The following ZNF730 variants were observed in gnomAD, a reference collection of about 807,000 sequenced individuals.
ZNF730 encodes the protein zinc finger protein 730, also known as putative zinc finger protein 730.
ZNF730 carries 12 observed loss-of-function variants against 12.6 expected under a neutral mutation model. The ratio of observed to expected loss-of-function variants is 0.95; its 90% CI spans 0.61 to 1.54. The LOEUF is 1.54. ZNF730 is among the 40% of genes most tolerant of loss of function. The pLI is 0.00. For missense variants in ZNF730, 643 were observed against 583.5 expected (o/e 1.10, Z -1.05); for synonymous variants, 194 against 195.8 (o/e 0.99, Z 0.08).
At chr19:23,135,262 C>T (rs1249205549) in intron 2 of ZNF730, among the ~76,000 whole-genome samples, 2 of 103,846 alleles carry the variant, frequency 1.9e-5, no homozygotes, top group Admixed American at 1.1e-4. Context: ...AAAAAAAAGT[C>T]CTCAGGATTT....
chr19:23,115,967 ATTTTC>A (rs1970513589), upstream of ZNF730, among the ~76,000 whole-genome samples: 1 of 152,186 alleles, frequency 6.6e-6, no homozygotes, highest in African/African-American at 2.4e-5. Flanking sequence ...AGGTACTAAT[ATTTTC>A]CCCTGATTTA....
intron 1 of ZNF730, among the ~76,000 whole-genome samples, chr19:23,093,369 G>A (rs984521229): frequency 2.6e-5 from 4 of 152,188 alleles, no homozygotes; most frequent in Non-Finnish European, 5.9e-5. Context: ...TCTTCCCATG[G>A]GGACTCAGGG....
chr19:23,127,716 G>T (rs1321186976), intron 1 of ZNF730: 3 of 1,231,150 alleles, frequency 2.4e-6, no homozygotes, highest in Non-Finnish European at 2.4e-6. Context: ...GGATCACTTT[G>T]AAGATCTACA....
At chr19:23,095,913 G>A (rs1262385075) in intron 1 of ZNF730, among the ~76,000 whole-genome samples, 2 of 152,264 alleles carry the variant, frequency 1.3e-5, no homozygotes, top group Non-Finnish European at 1.5e-5. Flanking sequence ...ACTCACAGAA[G>A]TCATTGTGAC....
chr19:23,094,044 G>A (rs1471392), intron 1 of ZNF730, among the ~76,000 whole-genome samples: 43,009 of 151,996 alleles, frequency 0.28, 6,734 homozygotes, highest in African/African-American at 0.42. Flanking sequence ...CAGAGGGTGC[G>A]ATTGTGGCTC....
rs374625631 is a variant in ZNF730 at position 23,145,113 on chromosome 19, T to G, written c.227-158T>G. Among the ~76,000 whole-genome samples, 401 of 152,324 alleles carry G rather than the reference T, an allele frequency of 2.6e-3. 2 individuals are homozygous for G. The highest frequency in any genetic ancestry group is 9.4e-3 in the African/African-American group (390 of 41,578). On this transcript the variant is annotated intron_variant, in intron 3 of 3. Coordinates refer to ENST00000597761, the MANE Select transcript of ZNF730 (RefSeq NM_001277403.2). Reference sequence around the variant, plus strand: ...CAACTTACTTTTTTACAAATGTACTTTGGATTTTTGTTACATTTATATGTT... The same window carrying G: ...CAACTTACTTTTTTACAAATGTACTGTGGATTTTTGTTACATTTATATGTT...
At chr19:23,099,934 G>A (rs1970309989) in intron 1 of ZNF730, 1 of 152,118 alleles carries the variant, frequency 6.6e-6, no homozygotes, top group Middle Eastern at 3.4e-3. Flanking sequence ...CATATCACTG[G>A]GCCTTGCACT....
At chr19:23,079,443 C>T (rs916624054) in intron 1 of ZNF730, among the ~76,000 whole-genome samples, 12 of 152,194 alleles carry the variant, frequency 7.9e-5, no homozygotes, top group Admixed American at 7.9e-4. Context: ...CAGCCATAGC[C>T]ACCGCGCCCG....
chr19:23,092,747 A>G (rs938344784), intron 1 of ZNF730, among the ~76,000 whole-genome samples: 3 of 152,052 alleles, frequency 2.0e-5, no homozygotes, highest in African/African-American at 7.2e-5. Context: ...TAATTTCAGT[A>G]TGTTCAACCA....
chr19:23,142,944 T>A (rs780518640), intron 3 of ZNF730, among the ~76,000 whole-genome samples: 7 of 152,026 alleles, frequency 4.6e-5, no homozygotes, highest in Non-Finnish European at 1.0e-4. Flanking sequence ...ACATAAAACC[T>A]CTTAAAAAAA....
At chr19:23,143,422 A>T (rs988133729) in intron 3 of ZNF730, among the ~76,000 whole-genome samples, 7 of 151,114 alleles carry the variant, frequency 4.6e-5, no homozygotes, top group Admixed American at 4.6e-4. Flanking sequence ...TTATCTTTCA[A>T]ATTTTAGAGA....
At chr19:23,141,268 A>C (rs1970914753) in intron 3 of ZNF730, among the ~76,000 whole-genome samples, 1 of 150,148 alleles carries the variant, frequency 6.7e-6, no homozygotes, top group Non-Finnish European at 1.5e-5. Flanking sequence ...GGTGGCGGGC[A>C]CCTGTACTCC....
intron 1 of ZNF730, among the ~76,000 whole-genome samples, chr19:23,089,743 A>G (rs1392827319): frequency 2.0e-5 from 3 of 152,174 alleles, no homozygotes; most frequent in African/African-American, 4.8e-5. Context: ...AAAACAGACT[A>G]ATACAGTAAA....
At chr19:23,127,639 T>C (rs1429889992) in intron 1 of ZNF730, 7 of 1,106,734 alleles carry the variant, frequency 6.3e-6, no homozygotes, top group Non-Finnish European at 6.9e-6. Context: ...ATAAACTCTT[T>C]GTGTGAATGG....
intron 3 of ZNF730, among the ~76,000 whole-genome samples, chr19:23,138,642 T>G (rs1166966368): frequency 6.6e-6 from 1 of 152,208 alleles, no homozygotes; most frequent in African/African-American, 2.4e-5. Flanking sequence ...GTTTGCCACC[T>G]GAATGAAAGC....
intron 1 of ZNF730, among the ~76,000 whole-genome samples, chr19:23,119,975 C>T (rs1970578961): frequency 6.7e-6 from 1 of 150,294 alleles, no homozygotes; most frequent in Non-Finnish European, 1.5e-5. Flanking sequence ...CTGTCTGGTC[C>T]TGGACTCACT....
In ZNF730 at chr19:23,106,498, G is replaced by A. The variant is rs541174810; in HGVS notation, c.-93-27582G>A. Among the ~76,000 whole-genome samples the A allele has an allele frequency of 4.6e-5, 7 of 152,230 alleles. No homozygotes were observed. The South Asian group carries it at 1.5e-3, about 32-fold the overall frequency. On this transcript the variant is annotated intron_variant, in intron 1 of 2. Transcript: ENST00000593635. ...ATGTATTACCTAACCCTATTAAAGA[G>A]GGTTGGAATGAGGCCAGGCATGGTT...
chr19:23,100,673 T>G (rs1568305906), intron 1 of ZNF730, among the ~76,000 whole-genome samples: 2 of 77,346 alleles, frequency 2.6e-5, no homozygotes, highest in Non-Finnish European at 5.3e-5. Context: ...TTTTTTTTTT[T>G]GAGACAGAAT....
chr19:23,093,780 G>T lies in ZNF730; in HGVS notation c.-94+18393G>T, dbSNP rs116164306. ...CCTTCCTCCTCTTTCCACCACCTAC[G>T]GTTGATCAACAGACGGGGTCAGGGG... is the stretch of plus-strand genomic sequence containing the variant. On this transcript the variant is annotated intron_variant, in intron 1 of 2. Coordinates refer to the ZNF730 transcript ENST00000593635. 3.2e-3 allele frequency among the ~76,000 whole-genome samples: 483 copies of T among 152,292 alleles called. 4 individuals are homozygous for T. The highest frequency in any genetic ancestry group is 8.9e-3 in the African/African-American group (370 of 41,568).
Sources: allele counts gnomAD v4.1 joint callset (sites outside exome capture counted in the v4.1 genomes callset), GRCh38; gene constraint gnomAD v4.1.1; transcripts MANE v1.5; gene names NCBI Gene and HGNC (gene_info 2026-07-23, HGNC 2026-07-21).